The following RAI2 variants were observed in gnomAD, a reference collection of about 807,000 sequenced individuals.
RAI2 encodes retinoic acid-induced protein 2.
RAI2 carries 5 observed loss-of-function variants against 15.3 expected under a neutral mutation model. The observed-to-expected ratio is 0.33, with a 90% confidence interval of 0.17 to 0.69. The LOEUF (loss-of-function observed/expected upper bound fraction) is 0.69. Among genes scored for constraint, RAI2 ranks in the 30% least tolerant of loss-of-function variants. The pLI, the probability that RAI2 is intolerant of heterozygous loss-of-function variation, is 0.69. For missense variants in RAI2, 424 were observed against 424.7 expected (o/e 1.00, Z 0.01); for synonymous variants, 191 against 184.0 (o/e 1.04, Z -0.31).
chrX:17,827,850 TG>T (rs1157723477), intron 1 of RAI2, among the ~76,000 whole-genome samples: 1 of 111,505 alleles, frequency 9.0e-6, no homozygotes, highest in Non-Finnish European at 1.9e-5. Context: ...TGAGGGAAGG[TG>T]GGGAGGTTGA....
chrX:17,803,759 G>A (rs1446394665), intron 1 of RAI2, among the ~76,000 whole-genome samples: 2 of 110,439 alleles, frequency 1.8e-5, no homozygotes, highest in Admixed American at 9.5e-5. Context: ...GATCCAGAGC[G>A]TGTCTCCCTC....
rs1322995597 is a variant in RAI2 at position 17,801,927 on chromosome X, G to A, written c.84C>T (p.Gly28=). 1.7e-6 allele frequency: 2 copies of A among 1,209,229 alleles called. No homozygotes were observed. Among genetic ancestry groups the A allele is most frequent in the Admixed American group, 2.2e-5 (1 of 45,728 alleles). The part of the protein sequence containing the change: ...PALANNRLEN[G]MAQLITTEAW... ...CCTCGGTGGTGATCAGCTGAGCCAT[G>A]CCATTCTCCAGTCTGTTATTAGCCA... Residue 28 remains glycine (G), a synonymous_variant, in exon 2 of 2, where the codon GGC becomes GGT. Transcript: ENST00000451717.
chrX:17,819,540 T>G (rs971877114), intron 1 of RAI2, among the ~76,000 whole-genome samples: 7 of 112,466 alleles, frequency 6.2e-5, no homozygotes, highest in Non-Finnish European at 1.3e-4. Context: ...TACTCAGATG[T>G]TCATTGCAGT....
At chrX:17,828,241 G>T (rs2067247291) in intron 1 of RAI2, among the ~76,000 whole-genome samples, 1 of 110,226 alleles carries the variant, frequency 9.1e-6, no homozygotes, top group Non-Finnish European at 1.9e-5. Context: ...ATCAAAGGCA[G>T]GCCCATCTGT....
chrX:17,854,294 C>T lies in RAI2; in HGVS notation c.-25+6804G>A, dbSNP rs773194088. Among the ~76,000 whole-genome samples the T allele has an allele frequency of 2.7e-5, 3 of 111,989 alleles. No homozygotes were observed. In the East Asian group the frequency reaches 8.5e-4, roughly 32 times the overall value. On this transcript the variant is annotated intron_variant, in intron 1 of 1. Transcript: ENST00000451717. ...TAATAGTAAGCAAAAGAATTCCACA[C>T]GGCCAAGATAGGACTTTCTGCCTGG...
chrX:17,856,970 G>A (rs2067615829), intron 1 of RAI2, among the ~76,000 whole-genome samples: 1 of 111,514 alleles, frequency 9.0e-6, no homozygotes, highest in African/African-American at 3.3e-5. Flanking sequence ...GCCATCAGAG[G>A]ACAGTGAAGT....
chrX:17,854,228 C>T (rs747295827), intron 1 of RAI2, among the ~76,000 whole-genome samples: 1 of 112,041 alleles, frequency 8.9e-6, no homozygotes, highest in Non-Finnish European at 1.9e-5. Context: ...GCCCTCAAAA[C>T]TAGGATGATG....
rs748635244 is a variant in RAI2 at position 17,830,069 on chromosome X, C to A, written c.-24-28035G>T. Reference sequence around the variant, plus strand: ...TTCCTTTTGCAAAATAACTCCCTCTCCACTTCCCTCGCACATCATTTTTTC... The same window carrying A: ...TTCCTTTTGCAAAATAACTCCCTCTACACTTCCCTCGCACATCATTTTTTC... On this transcript the variant is annotated intron_variant, in intron 1 of 1. Transcript: ENST00000451717. Among the ~76,000 whole-genome samples the A allele has an allele frequency of 1.2e-4, 13 of 112,501 alleles. No homozygotes were observed. In the East Asian group the frequency reaches 3.3e-3, roughly 29 times the overall value.
Position 17,800,366 on chromosome X carries a change from C to G in RAI2, c.*52G>C. ...TTGTTTTAAATGCCTTTTTATAAAA[C>G]CAATGCACCTTTCCCCATATTATAA... is the stretch of plus-strand genomic sequence containing the variant. On this transcript the variant is annotated 3_prime_UTR_variant, in exon 2 of 2. Coordinates refer to ENST00000451717, the MANE Select transcript of RAI2 (RefSeq NM_021785.6). 1.8e-6 allele frequency: 2 copies of G among 1,124,202 alleles called. No individual in the cohort carries two copies. Among genetic ancestry groups the G allele is most frequent in the South Asian group, 4.4e-5 (2 of 45,482 alleles). 92.6% of individuals were successfully genotyped at this position (1,124,202 alleles called of 1,213,427 possible). A position where few individuals can be genotyped will look rare whatever the true frequency, so the allele number is the denominator to read the frequency against.
chrX:17,830,496 T>G (rs1442688988), intron 1 of RAI2, among the ~76,000 whole-genome samples: 2 of 111,041 alleles, frequency 1.8e-5, no homozygotes, highest in Admixed American at 1.9e-4. Flanking sequence ...TGTTTTTTTT[T>G]TGTTGTTGTT....
At chrX:17,812,012 G>C (rs2067054699) in intron 1 of RAI2, among the ~76,000 whole-genome samples, 1 of 111,970 alleles carries the variant, frequency 8.9e-6, no homozygotes, top group Non-Finnish European at 1.9e-5. Context: ...CTGACACACA[G>C]AAAGTGCTCA....
At chrX:17,823,259 T>C (rs974811112) in intron 1 of RAI2, among the ~76,000 whole-genome samples, 3 of 112,245 alleles carry the variant, frequency 2.7e-5, no homozygotes, top group Non-Finnish European at 3.8e-5. Context: ...TCCTGGCACA[T>C]GGTAAATACT....
At chrX:17,849,704 G>A (rs983412652) in intron 1 of RAI2, among the ~76,000 whole-genome samples, 2 of 112,262 alleles carry the variant, frequency 1.8e-5, no homozygotes, top group African/African-American at 3.2e-5. Flanking sequence ...TGAGTTGTAC[G>A]TTCCAAAGCT....
At chrX:17,856,620 C>T (rs2067610209) in intron 1 of RAI2, among the ~76,000 whole-genome samples, 1 of 112,569 alleles carries the variant, frequency 8.9e-6, no homozygotes, top group Non-Finnish European at 1.9e-5. Context: ...GAAGGCAGAC[C>T]ATGCCCATGT....
rs148834084 is a variant in RAI2 at position 17,840,326 on chromosome X, A to G, written c.-25+20772T>C. On this transcript the variant is annotated intron_variant, in intron 1 of 1. Coordinates refer to ENST00000451717, the MANE Select transcript of RAI2 (RefSeq NM_021785.6). The stretch of plus-strand genomic sequence containing the variant: ...TATCCATCATCAACAAGCCTCATTG[A>G]GAGCCTACTCAATGCCACCCTCTGT... Among the ~76,000 whole-genome samples the G allele has an allele frequency of 4.5e-3, 496 of 111,185 alleles. 2 individuals are homozygous for G. The highest frequency in any genetic ancestry group is 0.014 in the Middle Eastern group (3 of 216).
chrX:17,800,625 G>T lies in RAI2; in HGVS notation c.1386C>A (p.Ser462=), dbSNP rs772575988. 37 of 1,211,247 alleles carry T rather than the reference G, an allele frequency of 3.1e-5. No individual in the cohort carries two copies. Among genetic ancestry groups the T allele is most frequent in the Non-Finnish European group, 4.0e-5 (36 of 895,257 alleles). ...CGKIKGLSGV[S]TKNFSFKRED... ...CTCTTTTGAAGGAGAAGTTTTTGGT[G>T]GACACCCCTGAGAGGCCTTTGATCT... Residue 462 remains serine (S), a synonymous_variant, in exon 2 of 2, where the codon TCC becomes TCA. Transcript: ENST00000451717.
At chrX:17,832,833 A>C (rs2067297656) in intron 1 of RAI2, among the ~76,000 whole-genome samples, 1 of 112,062 alleles carries the variant, frequency 8.9e-6, no homozygotes, top group Non-Finnish European at 1.9e-5. Flanking sequence ...GGATGTGATA[A>C]GGGAACATGA....
chrX:17,822,210 CCTT>C (rs1305525790), intron 1 of RAI2, among the ~76,000 whole-genome samples: 1 of 111,503 alleles, frequency 9.0e-6, no homozygotes, highest in Non-Finnish European at 1.9e-5. Flanking sequence ...TAATACCATT[CCTT>C]CAGTTCAATA....
At chrX:17,812,836 A>G (rs1298022830) in intron 1 of RAI2, among the ~76,000 whole-genome samples, 1 of 111,775 alleles carries the variant, frequency 8.9e-6, no homozygotes, top group Non-Finnish European at 1.9e-5. Context: ...AGAAGATTCA[A>G]AAGTTCATGT....
Sources: gnomAD v4.1 joint callset for allele counts (sites outside exome capture counted in the v4.1 genomes callset) on GRCh38, gnomAD v4.1.1 for gene constraint, MANE v1.5 for transcripts, NCBI Gene and HGNC (gene_info 2026-07-23, HGNC 2026-07-21) for gene names.